Variants in DEFB131A observed in about 807,000 individuals in gnomAD.
DEFB131A encodes the protein beta-defensin 131A.
Under a neutral mutation model 2.4 loss-of-function variants are expected in DEFB131A, and 5 were observed. The ratio of observed to expected loss-of-function variants is 2.12; its 90% confidence interval spans 1.11 to 4.47. The LOEUF (loss-of-function observed/expected upper bound fraction) is 4.47, where lower values mean the gene tolerates loss of function less well. Ranked by LOEUF, DEFB131A falls within the 30% of genes most tolerant of loss-of-function variation. DEFB131A has a pLI of 0.00. For synonymous variants in DEFB131A, 34 were observed against 25.7 expected (o/e 1.32, Z -0.97); for missense variants, 120 against 79.9 (o/e 1.50, Z -1.91).
chr4:9,446,994 T>G (rs990869554), intron 1 of DEFB131A, among the ~76,000 whole-genome samples: 1 of 152,162 alleles, frequency 6.6e-6, no homozygotes. Context: ...GAAACTTGTT[T>G]TGTGTCTTAA....
In DEFB131A at chr4:9,444,538, G is replaced by A; in HGVS notation, c.5G>A (p.Arg2Lys). M[R>K]VLFFVFGVLS... is the part of the protein sequence containing the mutation. ...ACCTGCTTTACCTATTCAACCATGA[G>A]GGTCTTGTTTTTTGTCTTTGGAGTC... The change falls in exon 1 of 2, where the codon AGG becomes AAG. Residue 2 changes from arginine to lysine, a missense_variant. Coordinates refer to ENST00000334879, the MANE Select transcript of DEFB131A (RefSeq NM_001040448.3). 1.2e-6 allele frequency: 2 copies of A among 1,611,672 alleles called. No homozygotes were observed. The highest frequency in any genetic ancestry group is 1.7e-6 in the Non-Finnish European group (2 of 1,179,682).
chr4:9,445,203 T>C (rs1432863763), intron 1 of DEFB131A, among the ~76,000 whole-genome samples: 1 of 152,134 alleles, frequency 6.6e-6, no homozygotes, highest in Non-Finnish European at 1.5e-5. Flanking sequence ...GAATGATGAC[T>C]AGAAGAAGGG....
At chr4:9,447,100 C>T (rs4583761) in intron 1 of DEFB131A, among the ~76,000 whole-genome samples, 12,855 of 152,138 alleles carry the variant, frequency 0.084, 778 homozygotes, top group Non-Finnish European at 0.11. Flanking sequence ...TCTGTTAAGT[C>T]TATTTGGTCT....
At chr4:9,449,088 A>G (rs1188624638) in intron 1 of DEFB131A, among the ~76,000 whole-genome samples, 2 of 151,784 alleles carry the variant, frequency 1.3e-5, no homozygotes, top group Non-Finnish European at 2.9e-5. Context: ...CCCATTCATA[A>G]TAGCAAGAAA....
At chr4:9,445,119 T>A (rs1240249971) in intron 1 of DEFB131A, among the ~76,000 whole-genome samples, 3 of 151,958 alleles carry the variant, frequency 2.0e-5, no homozygotes, top group African/African-American at 7.2e-5. Flanking sequence ...ACTTGAGAGT[T>A]ATGTTTGATC....
chr4:9,445,052 C>T (rs1166464336), intron 1 of DEFB131A, among the ~76,000 whole-genome samples: 1 of 152,054 alleles, frequency 6.6e-6, no homozygotes, highest in Non-Finnish European at 1.5e-5. Flanking sequence ...TGCACACCAG[C>T]CTGGGCAACA....
At chr4:9,445,875 G>C (rs1178296557) in intron 1 of DEFB131A, among the ~76,000 whole-genome samples, 1 of 152,020 alleles carries the variant, frequency 6.6e-6, no homozygotes, top group Admixed American at 6.6e-5. Context: ...TTGTCTCTAT[G>C]TATATTCCTA....
intron 1 of DEFB131A, among the ~76,000 whole-genome samples, chr4:9,447,770 A>G (rs1462395038): frequency 6.6e-6 from 1 of 152,148 alleles, no homozygotes; most frequent in African/African-American, 2.4e-5. Context: ...GAGATACTAA[A>G]GATTGGGACT....
intron 1 of DEFB131A, among the ~76,000 whole-genome samples, chr4:9,448,567 G>A (rs1248810109): frequency 1.8e-4 from 27 of 152,182 alleles, no homozygotes; most frequent in African/African-American, 2.9e-4. Context: ...CAGGTGATCC[G>A]CCCGCCTTGG....
Position 9,450,545 on chromosome 4 carries a change from G to T in DEFB131A, c.*31G>T, listed in dbSNP as rs770763702. Reference sequence around the variant, plus strand: ...CTAACTCCATCTTCTTCAGACTCCGGGACAAAAAACATGTCTTAAACTCTC... The same window carrying T: ...CTAACTCCATCTTCTTCAGACTCCGTGACAAAAAACATGTCTTAAACTCTC... On this transcript the variant is annotated 3_prime_UTR_variant, in exon 2 of 2. Coordinates refer to ENST00000334879, the MANE Select transcript of DEFB131A (RefSeq NM_001040448.3). The T allele has an allele frequency of 1.9e-6, 3 of 1,594,948 alleles. No individual in the cohort carries two copies. Among genetic ancestry groups the T allele is most frequent in the Non-Finnish European group, 2.6e-6 (3 of 1,171,134 alleles).
In DEFB131A at chr4:9,449,329, A is replaced by G. The variant is rs962662272; in HGVS notation, c.59-1031A>G. On this transcript the variant is annotated intron_variant, in intron 1 of 1. Coordinates refer to ENST00000334879, the MANE Select transcript of DEFB131A (RefSeq NM_001040448.3). ...ATGGCACTCTTGACAGAAATAGGAA[A>G]AACAATCTTAAACAGACATATAGGC... 7.5e-5 allele frequency among the ~76,000 whole-genome samples: 4 copies of G among 53,478 alleles called. 1 individual carries two copies. The highest frequency in any genetic ancestry group is 2.3e-4 in the African/African-American group (4 of 17,346). 35.1% of individuals were successfully genotyped at this position (53,478 alleles called of 152,430 possible).
At chr4:9,444,890 G>A (rs1414663831) in intron 1 of DEFB131A, among the ~76,000 whole-genome samples, 2 of 140,650 alleles carry the variant, frequency 1.4e-5, no homozygotes, top group Non-Finnish European at 3.1e-5. Flanking sequence ...GGGGCAACAG[G>A]GTGAAACCCC....
chr4:9,450,565 ACT>A lies in DEFB131A; in HGVS notation c.*56_*57del, dbSNP rs766744539. On this transcript the variant is annotated 3_prime_UTR_variant, in exon 2 of 2. Coordinates refer to ENST00000334879, the MANE Select transcript of DEFB131A (RefSeq NM_001040448.3). ...CTCCGGGACAAAAAACATGTCTTAA[ACT>A]CTCTTATCTATGAATAATTAACATG... 14 of 1,573,198 alleles carry A rather than the reference ACT, an allele frequency of 8.9e-6. 1 individual carries two copies. The South Asian group carries it at 1.6e-4, about 18-fold the overall frequency.
At chr4:9,447,590 A>G (rs1463981101) in intron 1 of DEFB131A, among the ~76,000 whole-genome samples, 2 of 151,918 alleles carry the variant, frequency 1.3e-5, no homozygotes, top group Admixed American at 6.6e-5. Flanking sequence ...CCTTCTTGCC[A>G]TGTCCTCTTA....
rs1717428088 is a variant in DEFB131A, at chr4:9,444,449, T to C, written c.-85T>C. 4 of 1,489,920 alleles carry C rather than the reference T, an allele frequency of 2.7e-6. No individual in the cohort carries two copies. The Admixed American group carries it at 7.7e-5, about 29-fold the overall frequency. The allele number at this position is 1,489,920 out of a possible 1,614,324, so 92.3% of individuals were successfully genotyped here. ...AAAGGTTCAATAATCACTCAACAAC[T>C]CACCTCTTCAGAGAACTGAATGTAC... On this transcript the variant is annotated 5_prime_UTR_variant, in exon 1 of 2. Coordinates refer to ENST00000334879, the MANE Select transcript of DEFB131A (RefSeq NM_001040448.3).
At chr4:9,449,739 A>G (rs776835595) in intron 1 of DEFB131A, among the ~76,000 whole-genome samples, 1 of 152,060 alleles carries the variant, frequency 6.6e-6, no homozygotes, top group Non-Finnish European at 1.5e-5. Context: ...TCCTGTGCAT[A>G]TCTCAGTAAC....
At position 9,450,545 on chromosome 4, in the gene DEFB131A, G is replaced by A. The variant is rs770763702; in HGVS notation, c.*31G>A. 1.3e-5 allele frequency: 20 copies of A among 1,594,830 alleles called. No individual in the cohort carries two copies. The highest frequency in any genetic ancestry group is 1.5e-5 in the Non-Finnish European group (17 of 1,171,142). ...CTAACTCCATCTTCTTCAGACTCCGGGACAAAAAACATGTCTTAAACTCTC... is the reference window on the plus strand; with the variant it reads ...CTAACTCCATCTTCTTCAGACTCCGAGACAAAAAACATGTCTTAAACTCTC... On this transcript the variant is annotated 3_prime_UTR_variant, in exon 2 of 2. Transcript: ENST00000334879.
At chr4:9,446,297 T>G (rs1478637052) in intron 1 of DEFB131A, among the ~76,000 whole-genome samples, 2 of 152,072 alleles carry the variant, frequency 1.3e-5, no homozygotes, top group African/African-American at 4.8e-5. Context: ...TATAAAGTAT[T>G]GGTGGATTTT....
At chr4:9,447,662 C>T (rs986331139) in intron 1 of DEFB131A, among the ~76,000 whole-genome samples, 7 of 151,446 alleles carry the variant, frequency 4.6e-5, no homozygotes, top group African/African-American at 1.2e-4. Context: ...AGGACATCAG[C>T]CATATTGCAT....
Sources: allele counts gnomAD v4.1 joint callset (sites outside exome capture counted in the v4.1 genomes callset), GRCh38; gene constraint gnomAD v4.1.1; transcripts MANE v1.5; gene names NCBI Gene and HGNC (gene_info 2026-07-23, HGNC 2026-07-21).